The following RUNX1T1 variants were observed in gnomAD, a reference collection of about 807,000 sequenced individuals.
RUNX1T1 encodes the protein RUNX1 partner transcriptional co-repressor 1, also known as protein CBFA2T1.
Under a neutral mutation model 62.8 loss-of-function variants are expected in RUNX1T1, and 4 were observed. That is an observed-to-expected ratio of 0.06 (90% CI 0.03 to 0.15). The LOEUF (loss-of-function observed/expected upper bound fraction) is 0.15. Ranked by LOEUF, RUNX1T1 falls within the 10% of genes least tolerant of loss-of-function variation. RUNX1T1 has a pLI of 1.00. For synonymous variants in RUNX1T1, 291 were observed against 286.0 expected, an observed-to-expected ratio of 1.02 and a Z score of -0.18; for missense variants, 508 against 754.3, an observed-to-expected ratio of 0.67 and a Z score of 3.82.
At chr8:92,042,315 A>C (rs2130152566) in intron 1 of RUNX1T1, among the ~76,000 whole-genome samples, 1 of 151,762 alleles carries the variant, frequency 6.6e-6, no homozygotes, top group South Asian at 2.1e-4. Flanking sequence ...AAATTACTGG[A>C]TTTCTTTTTT....
intron 1 of RUNX1T1, chr8:92,062,498 C>T (rs1398456829): frequency 1.3e-6 from 2 of 1,595,148 alleles, no homozygotes; most frequent in African/African-American, 2.7e-5. Flanking sequence ...AGAAAGTAAG[C>T]TTTCTTCATT....
chr8:92,063,848 T>C (rs1832452145), upstream of RUNX1T1, among the ~76,000 whole-genome samples: 3 of 152,188 alleles, frequency 2.0e-5, no homozygotes, highest in Admixed American at 1.3e-4. Flanking sequence ...GGCTTTACCT[T>C]TCCATCGTAT....
At chr8:92,076,805 C>T (rs1483341384) in intron 1 of RUNX1T1, among the ~76,000 whole-genome samples, 3 of 151,988 alleles carry the variant, frequency 2.0e-5, no homozygotes, top group African/African-American at 4.8e-5. Context: ...ATTTGACAAA[C>T]TTAGAATTTG....
chr8:92,061,460 A>C (rs113995851), intron 1 of RUNX1T1, among the ~76,000 whole-genome samples: 2,203 of 152,320 alleles, frequency 0.014, 59 homozygotes, highest in African/African-American at 0.05. Flanking sequence ...CTTTTTGTAA[A>C]TTGATTTTCC....
chr8:92,102,802 C>CAGG (rs1336806708), upstream of RUNX1T1: 1 of 1,478,910 alleles, frequency 6.8e-7, no homozygotes, highest in African/African-American at 1.4e-5. This position sits in a 1 kb window ranked among gnomAD's most constrained non-coding sequence, Gnocchi z 4.5. Flanking sequence ...TAATAACAGT[C>CAGG]AGGGGCCCGA....
chr8:92,022,313 G>A (rs1205551361), intron 1 of RUNX1T1, among the ~76,000 whole-genome samples: 2 of 152,104 alleles, frequency 1.3e-5, no homozygotes, highest in Non-Finnish European at 2.9e-5. Flanking sequence ...AGATAACAAT[G>A]GGAAGATGCT....
chr8:92,041,819 GT>G (rs578249455), intron 1 of RUNX1T1, among the ~76,000 whole-genome samples: 409 of 138,472 alleles, frequency 3.0e-3, no homozygotes, highest in Middle Eastern at 3.8e-3. Context: ...GAAGGGGTGG[GT>G]TTTTTTTTTT....
chr8:91,959,388 T>C (rs1809869455), exon 11 of RUNX1T1: 1 of 220,266 alleles, frequency 4.5e-6, no homozygotes, highest in Non-Finnish European at 9.1e-6. Context: ...AGAATGCTAA[T>C]TAACTGCAGG....
intron 8 of RUNX1T1, among the ~76,000 whole-genome samples, chr8:91,982,924 T>C (rs919819791): frequency 5.4e-5 from 7 of 130,030 alleles, no homozygotes; most frequent in Non-Finnish European, 9.6e-5. Flanking sequence ...AATACTTTTT[T>C]TTTTTTTTTT....
rs1291501726 is a variant in RUNX1T1 at position 92,051,494 on chromosome 8, AAG to A, written c.7+11050_7+11051del. 4.6e-5 allele frequency among the ~76,000 whole-genome samples: 7 copies of A among 152,146 alleles called. No homozygotes were observed. In the South Asian group the frequency reaches 6.2e-4, roughly 14 times the overall value. ...AAAACTACTTAATTTCATCACAAAAAAGAGAGGAAGATAAATTAATGGAGAGA... is the reference window on the plus strand; with the variant it reads ...AAAACTACTTAATTTCATCACAAAAAAGAGGAAGATAAATTAATGGAGAGA... On this transcript the variant is annotated intron_variant, in intron 1 of 10. Coordinates refer to ENST00000396218, the Ensembl canonical transcript of RUNX1T1.
intron 1 of RUNX1T1, among the ~76,000 whole-genome samples, chr8:92,022,228 T>A (rs556389622): frequency 6.6e-6 from 1 of 152,254 alleles, no homozygotes; most frequent in African/African-American, 2.4e-5. Flanking sequence ...TTATTATCCG[T>A]TCAAAGATAT....
intron 2 of RUNX1T1, among the ~76,000 whole-genome samples, chr8:92,072,713 C>G (rs1833864990): frequency 6.6e-6 from 1 of 152,184 alleles, no homozygotes; most frequent in Admixed American, 6.5e-5. Context: ...ACAATAAGCT[C>G]AAAGCTCCAT....
exon 11 of RUNX1T1, chr8:91,959,470 A>ATATG (rs1563591324): frequency 2.3e-4 from 8 of 34,278 alleles, no homozygotes; most frequent in African/African-American, 1.4e-3. Context: ...GTGTGTGTAT[A>ATATG]TGTGCGTGTG....
intron 5 of RUNX1T1, among the ~76,000 whole-genome samples, chr8:91,999,178 T>C (rs1424690898): frequency 1.3e-5 from 2 of 152,210 alleles, no homozygotes; most frequent in Non-Finnish European, 1.5e-5. Flanking sequence ...AAGACTTCTA[T>C]ACTTTCATAC....
At chr8:91,986,798 A>T in intron 7 of RUNX1T1, 89 bp downstream of exon 8, 1 of 862,986 alleles carries the variant, frequency 1.2e-6, no homozygotes, top group Non-Finnish European at 2.0e-6. Context: ...ATGCCTTCAA[A>T]GGATCACCAA....
At chr8:92,071,830 A>T (rs1284520802) in intron 2 of RUNX1T1, among the ~76,000 whole-genome samples, 1 of 152,178 alleles carries the variant, frequency 6.6e-6, no homozygotes, top group East Asian at 1.9e-4. Flanking sequence ...TCTGCATATC[A>T]ACTTCCGCAA....
exon 3 of RUNX1T1, chr8:92,014,717 A>G (rs746018959): frequency 6.2e-7 from 1 of 1,614,032 alleles, no homozygotes; most frequent in Admixed American, 1.7e-5. Context: ...GCTGTTGATT[A>G]GCCAGAGAGG....
intron 1 of RUNX1T1, among the ~76,000 whole-genome samples, chr8:92,088,883 T>C (rs1334963278): frequency 1.3e-5 from 2 of 152,236 alleles, no homozygotes; most frequent in African/African-American, 2.4e-5. Context: ...TGACATAATA[T>C]TCAACCCAGT....
At chr8:92,075,456 G>A (rs1834282702) in intron 2 of RUNX1T1, among the ~76,000 whole-genome samples, 1 of 152,168 alleles carries the variant, frequency 6.6e-6, no homozygotes, top group Non-Finnish European at 1.5e-5. Flanking sequence ...TGTGTCTATG[G>A]AATGAACTCT....
Sources: gnomAD v4.1 joint callset for allele counts (sites outside exome capture counted in the v4.1 genomes callset) on GRCh38, gnomAD v4.1.1 for gene constraint, Gnocchi (gnomAD v3.1) non-coding constraint, MANE v1.5 for transcripts, NCBI Gene and HGNC (gene_info 2026-07-23, HGNC 2026-07-21) for gene names.